Variants in PSMA1 observed in about 807,000 individuals in gnomAD.
PSMA1 encodes proteasome subunit alpha type-1.
Under a neutral mutation model 38.4 loss-of-function variants are expected in PSMA1, and 3 were observed. That is an observed-to-expected ratio of 0.08 (90% CI 0.04 to 0.20). PSMA1 has a LOEUF of 0.20. Ranked by LOEUF, PSMA1 falls within the 10% of genes least tolerant of loss-of-function variation. The pLI is 1.00. For synonymous variants in PSMA1, 101 were observed against 107.1 expected, an observed-to-expected ratio of 0.94 and a Z score of 0.35; for missense variants, 227 against 325.3, an observed-to-expected ratio of 0.70 and a Z score of 2.32.
chr11:14,543,779 C>T (rs1851797288), intron 2 of PSMA1, among the ~76,000 whole-genome samples: 1 of 152,148 alleles, frequency 6.6e-6, no homozygotes, highest in Non-Finnish European at 1.5e-5. Flanking sequence ...TTTAGTTCAA[C>T]TTCATTTTAT....
rs547826001 is a variant in PSMA1 at position 14,588,298 on chromosome 11, C to A, written c.21+22668G>T. 1.9e-4 allele frequency among the ~76,000 whole-genome samples: 29 copies of A among 152,302 alleles called. No homozygotes were observed. The South Asian group carries it at 6.0e-3, about 32-fold the overall frequency. On this transcript the variant is annotated intron_variant, in intron 2 of 10. Coordinates refer to the PSMA1 transcript ENST00000418988. ...ATTTGGGCTGAGGGAATGGCATGAA[C>A]TAAATGGTGGAGCTATAACCATGCA...
At chr11:14,514,203 T>C in intron 5 of PSMA1, 200 bp downstream of exon 5, 4 of 1,347,032 alleles carry the variant, frequency 3.0e-6, no homozygotes, top group Non-Finnish European at 2.9e-6. Context: ...GATGCTTAGA[T>C]GATTTTCCTG....
At position 14,534,995 on chromosome 11, in the gene PSMA1, A is replaced by G. The variant is rs1851687741; in HGVS notation, c.22-15954T>C. 6.6e-6 allele frequency among the ~76,000 whole-genome samples: 1 copy of G among 152,052 alleles called. No individual in the cohort carries two copies. The highest frequency in any genetic ancestry group is 1.5e-5 in the Non-Finnish European group (1 of 68,020). On this transcript the variant is annotated intron_variant, in intron 2 of 10. Transcript: ENST00000418988. This position sits in a 1 kb window ranked among gnomAD's most constrained non-coding sequence, Gnocchi z 4.5. The stretch of plus-strand genomic sequence containing the variant: ...AGGCTGAGGCAGGAGAATTGCTTGA[A>G]CCCAGGAGGCAGAGGTTGCAGTGGG...
chr11:14,589,393 GTGTGTGTATATATATATGTGTATATATA>G (rs1253842594), intron 2 of PSMA1, among the ~76,000 whole-genome samples: 1 of 138,496 alleles, frequency 7.2e-6, no homozygotes, highest in African/African-American at 2.6e-5. Flanking sequence ...GTATATATAT[GTGTGTGTATATATATATGTGTATATATA>G]TGTGTGTATA....
chr11:14,552,163 A>G (rs1851892620), intron 2 of PSMA1, among the ~76,000 whole-genome samples: 1 of 152,204 alleles, frequency 6.6e-6, no homozygotes, highest in Non-Finnish European at 1.5e-5. Flanking sequence ...GTCAGAGCAC[A>G]GAAAGATAGC....
At chr11:14,624,042 T>G (rs967703372) in intron 1 of PSMA1, among the ~76,000 whole-genome samples, 9 of 152,180 alleles carry the variant, frequency 5.9e-5, no homozygotes, top group Non-Finnish European at 1.2e-4. Flanking sequence ...ACAAAAAACA[T>G]TTGAACAGGT....
intron 1 of PSMA1, among the ~76,000 whole-genome samples, chr11:14,622,135 C>G (rs1486622585): frequency 1.3e-5 from 2 of 152,188 alleles, no homozygotes; most frequent in East Asian, 3.8e-4. Flanking sequence ...AGTTCGGAGT[C>G]AAGCAATTAG....
chr11:14,595,982 C>A (rs948839549), intron 2 of PSMA1, among the ~76,000 whole-genome samples: 10 of 152,150 alleles, frequency 6.6e-5, no homozygotes, highest in Non-Finnish European at 1.3e-4. Flanking sequence ...TTTCCCAGCA[C>A]CATTTATGAA....
intron 2 of PSMA1, among the ~76,000 whole-genome samples, chr11:14,552,820 C>CTTTTTT (rs34932699): frequency 8.2e-6 from 1 of 122,028 alleles, no homozygotes; most frequent in Non-Finnish European, 1.7e-5. Context: ...GCTTATATAA[C>CTTTTTT]TTTTTTTTTT....
At chr11:14,555,264 T>C (rs1055744571) in intron 2 of PSMA1, among the ~76,000 whole-genome samples, 5 of 152,234 alleles carry the variant, frequency 3.3e-5, no homozygotes, top group African/African-American at 1.2e-4. Flanking sequence ...TGCTTGCTGC[T>C]AAAAAGCTCA....
chr11:14,605,780 G>T (rs552150238), intron 2 of PSMA1, among the ~76,000 whole-genome samples: 20 of 152,216 alleles, frequency 1.3e-4, no homozygotes, highest in Non-Finnish European at 2.4e-4. Flanking sequence ...TCTATTGGAT[G>T]CATACTTTGC....
At chr11:14,626,033 T>A (rs971486667) in intron 1 of PSMA1, among the ~76,000 whole-genome samples, 6 of 152,076 alleles carry the variant, frequency 3.9e-5, no homozygotes, top group Non-Finnish European at 7.4e-5. Flanking sequence ...TTTCTGCAAA[T>A]GCCAATTCAA....
rs980474655 is a variant in PSMA1 at position 14,505,012 on chromosome 11, G to C, written c.*180C>G. The stretch of plus-strand genomic sequence containing the variant: ...TATACAGACCCTTTCAAAGAAAAAT[G>C]TATTCCATTATATAGGTTTCAGTGA... On this transcript the variant is annotated 3_prime_UTR_variant, in exon 10 of 10. Transcript: ENST00000396394. 2 of 595,912 alleles carry C rather than the reference G, an allele frequency of 3.4e-6. No individual in the cohort carries two copies. The highest frequency in any genetic ancestry group is 1.8e-5 in the African/African-American group (1 of 54,216). The allele number at this position is 595,912 out of a possible 1,614,324, so 36.9% of individuals were successfully genotyped here. A position where few individuals can be genotyped will look rare whatever the true frequency, so the allele number is the denominator to read the frequency against.
intron 1 of PSMA1, among the ~76,000 whole-genome samples, chr11:14,622,009 G>C (rs1319738532): frequency 6.6e-6 from 1 of 152,124 alleles, no homozygotes; most frequent in African/African-American, 2.4e-5. Flanking sequence ...GCATCTTCTT[G>C]AATGTCATAC....
chr11:14,635,818 A>G (rs1480957066), intron 1 of PSMA1, among the ~76,000 whole-genome samples: 1 of 152,226 alleles, frequency 6.6e-6, no homozygotes, highest in African/African-American at 2.4e-5. Context: ...GCTATGCTAG[A>G]CATTTATATT....
At chr11:14,633,790 A>T (rs1313231785) in intron 1 of PSMA1, among the ~76,000 whole-genome samples, 3 of 150,626 alleles carry the variant, frequency 2.0e-5, no homozygotes, top group Non-Finnish European at 3.0e-5. Context: ...AATCAGTGAG[A>T]CTCTGTGGGC....
At chr11:14,543,935 A>T (rs1851798782) in intron 2 of PSMA1, among the ~76,000 whole-genome samples, 1 of 152,256 alleles carries the variant, frequency 6.6e-6, no homozygotes, top group Non-Finnish European at 1.5e-5. Flanking sequence ...AGTTTTCGGC[A>T]TATTCACAGA....
chr11:14,617,822 AG>A (rs1451925483), intron 1 of PSMA1, among the ~76,000 whole-genome samples: 4 of 151,766 alleles, frequency 2.6e-5, no homozygotes, highest in Non-Finnish European at 5.9e-5. Context: ...GAGAGGTGTA[AG>A]GAACAACACA....
chr11:14,558,069 G>A (rs1851961036), intron 2 of PSMA1, among the ~76,000 whole-genome samples: 1 of 151,892 alleles, frequency 6.6e-6, no homozygotes, highest in African/African-American at 2.4e-5. Flanking sequence ...AAATACAAAC[G>A]ATGAGCAAAA....
Sources: allele counts gnomAD v4.1 joint callset (sites outside exome capture counted in the v4.1 genomes callset), GRCh38; gene constraint gnomAD v4.1.1; non-coding constraint Gnocchi (gnomAD v3.1); transcripts MANE v1.5; gene names NCBI Gene and HGNC (gene_info 2026-07-23, HGNC 2026-07-21).